CD80: variants seen among roughly 807,000 people sequenced by gnomAD.
CD80 encodes T-lymphocyte activation antigen CD80.
Under a neutral mutation model 27.1 loss-of-function variants are expected in CD80, and 13 were observed. The ratio of observed to expected loss-of-function variants is 0.48; its 90% CI spans 0.31 to 0.76. The LOEUF (loss-of-function observed/expected upper bound fraction) is 0.76, where lower values mean the gene tolerates loss of function less well. Among genes scored for constraint, CD80 ranks in the 30% least tolerant of loss-of-function variants. The pLI, the probability that CD80 is intolerant of heterozygous loss-of-function variation, is 0.04. For missense variants in CD80, 277 were observed against 347.9 expected (o/e 0.80, Z 1.62); for synonymous variants, 125 against 125.5 (o/e 1.00, Z 0.03).
At chr3:119,550,228 C>T (rs2082224166) in intron 2 of CD80, among the ~76,000 whole-genome samples, 1 of 152,192 alleles carries the variant, frequency 6.6e-6, no homozygotes, top group African/African-American at 2.4e-5. Flanking sequence ...CTTGTCTGGG[C>T]CTCCCAATAA....
chr3:119,543,329 C>G (rs956281931), intron 3 of CD80, among the ~76,000 whole-genome samples: 4 of 152,012 alleles, frequency 2.6e-5, no homozygotes, highest in African/African-American at 9.7e-5. Context: ...GGTACATAAA[C>G]AGGGCTTTGA....
chr3:119,557,846 G>A lies in CD80; in HGVS notation c.-118C>T, dbSNP rs1484908018. 1.6e-5 allele frequency: 9 copies of A among 559,730 alleles called. No homozygotes were observed. Among genetic ancestry groups the A allele is most frequent in the Non-Finnish European group, 2.9e-5 (9 of 313,996 alleles). The allele number at this position is 559,730 out of a possible 1,614,324, so 34.7% of individuals were successfully genotyped here. On this transcript the variant is annotated 5_prime_UTR_variant, in exon 2 of 7. Coordinates refer to ENST00000264246, the MANE Select transcript of CD80 (RefSeq NM_005191.4). Reference sequence around the variant, plus strand: ...TGACAATCCAATTGCTCACGTAGAAGACCCTCCAGTGATGTTTACAAAACA... The same window carrying A: ...TGACAATCCAATTGCTCACGTAGAAAACCCTCCAGTGATGTTTACAAAACA...
chr3:119,542,679 G>T (rs2082176516), intron 3 of CD80, among the ~76,000 whole-genome samples: 1 of 152,088 alleles, frequency 6.6e-6, no homozygotes, highest in Non-Finnish European at 1.5e-5. Context: ...AGCTATCTTT[G>T]TTCACTCCTG....
At chr3:119,541,127 T>A (rs1377636461) in intron 3 of CD80, among the ~76,000 whole-genome samples, 1 of 152,138 alleles carries the variant, frequency 6.6e-6, no homozygotes, top group Non-Finnish European at 1.5e-5. Context: ...TCTAAGGTGA[T>A]CTGTTTAGGG....
At chr3:119,528,230 G>A (rs2082089421) in intron 5 of CD80, among the ~76,000 whole-genome samples, 1 of 152,132 alleles carries the variant, frequency 6.6e-6, no homozygotes, top group African/African-American at 2.4e-5. Context: ...AAACATCCTT[G>A]AGCCCACCAG....
intron 2 of CD80, among the ~76,000 whole-genome samples, chr3:119,546,149 A>G (rs1033643667): frequency 6.6e-6 from 1 of 152,182 alleles, no homozygotes; most frequent in Non-Finnish European, 1.5e-5. Context: ...TTAGGAGCAT[A>G]TGAGCCTTCT....
At chr3:119,547,545 AG>A (rs1253335534) in intron 2 of CD80, among the ~76,000 whole-genome samples, 2 of 152,228 alleles carry the variant, frequency 1.3e-5, no homozygotes, top group African/African-American at 4.8e-5. Context: ...ACAGTTCTGC[AG>A]GTTCCCATCT....
intron 3 of CD80, among the ~76,000 whole-genome samples, chr3:119,541,900 C>A (rs2082171135): frequency 6.6e-6 from 1 of 152,092 alleles, no homozygotes; most frequent in Non-Finnish European, 1.5e-5. Flanking sequence ...ATAGGGCCTG[C>A]CCCCCTTGAA....
chr3:119,543,515 G>C (rs2082183187), intron 3 of CD80, among the ~76,000 whole-genome samples: 1 of 150,686 alleles, frequency 6.6e-6, no homozygotes, highest in Admixed American at 6.6e-5. Flanking sequence ...GGAGTGCAGT[G>C]GCACCATCTC....
At position 119,544,585 on chromosome 3, in the gene CD80, C is replaced by T. The variant is rs770820543; in HGVS notation, c.383G>A (p.Arg128Gln). Residue 128 changes from arginine (R) to glutamine (Q), a missense_variant, in exon 3 of 7, where the codon CGG becomes CAG. Coordinates refer to ENST00000264246, the MANE Select transcript of CD80 (RefSeq NM_005191.4). ...VLKYEKDAFK[R>Q]EHLAEVTLSV... is the part of the protein sequence containing the mutation. ...TAACGTCACTTCAGCCAGGTGTTCC[C>T]GCTTGAAAGCGTCTTTTTCATACTT... The T allele has an allele frequency of 1.8e-5, 29 of 1,613,974 alleles. No individual in the cohort carries two copies. The highest frequency in any genetic ancestry group is 6.7e-5 in the African/African-American group (5 of 74,926).
chr3:119,555,815 T>C (rs915653247), intron 2 of CD80, among the ~76,000 whole-genome samples: 1 of 152,256 alleles, frequency 6.6e-6, no homozygotes, highest in East Asian at 1.9e-4. Flanking sequence ...TTTTAGGAGA[T>C]GCTCATGTTT....
At chr3:119,527,510 C>T in intron 6 of CD80, 1 of 467,050 alleles carries the variant, frequency 2.1e-6, no homozygotes, top group East Asian at 3.3e-5. Context: ...CAAGACAATT[C>T]AAGATGGCAG....
chr3:119,544,654 G>T lies in CD80; in HGVS notation c.314C>A (p.Ala105Asp). 6.2e-7 allele frequency: 1 copy of T among 1,614,148 alleles called. No individual in the cohort carries two copies. Among genetic ancestry groups the T allele is most frequent in the Non-Finnish European group, 8.5e-7 (1 of 1,179,992 alleles). ...TGTGCCCTCGTCAGATGGGCGCAGA[G>T]CCAGGATCACAATGGAGAGGTTATT... ...ITNNLSIVIL[A>D]LRPSDEGTYE... Residue 105 changes from alanine to aspartate, a missense_variant, in exon 3 of 7, where the codon GCT (alanine) becomes GAT (aspartate). By Grantham distance (126) the Ala-to-Asp change is moderately radical. Transcript: ENST00000264246.
chr3:119,532,538 G>T (rs529523020), intron 4 of CD80, among the ~76,000 whole-genome samples: 1 of 150,670 alleles, frequency 6.6e-6, no homozygotes, highest in South Asian at 2.1e-4. Context: ...TTCTAAATTT[G>T]TATATTGGAT....
chr3:119,529,772 AT>A (rs1317999917), intron 5 of CD80, 69 bp downstream of exon 5: 2 of 1,060,368 alleles, frequency 1.9e-6, no homozygotes, highest in African/African-American at 3.1e-5. Flanking sequence ...CCTCAGAGAG[AT>A]GCCGAACCAT....
chr3:119,526,612 A>C (rs1391420434), intron 6 of CD80, among the ~76,000 whole-genome samples: 7 of 152,294 alleles, frequency 4.6e-5, no homozygotes, highest in Non-Finnish European at 1.0e-4. Context: ...ACCTCAAGCA[A>C]ATCTCTTAAC....
At chr3:119,537,451 T>G in intron 3 of CD80, 33 bp from the exon 4 acceptor site, 59 of 1,382,246 alleles carry the variant, frequency 4.3e-5, no homozygotes, top group African/African-American at 7.2e-5. Flanking sequence ...TAATTACGTA[T>G]AGTTACAAAC....
chr3:119,552,263 C>T (rs1485620016), intron 2 of CD80, among the ~76,000 whole-genome samples: 2 of 151,694 alleles, frequency 1.3e-5, no homozygotes, highest in Admixed American at 6.6e-5. Context: ...CCGAGGCAGG[C>T]GGATCAGGAG....
chr3:119,530,653 A>G (rs1025702172), intron 4 of CD80, among the ~76,000 whole-genome samples: 17 of 152,104 alleles, frequency 1.1e-4, no homozygotes, highest in Admixed American at 1.0e-3. Flanking sequence ...CTGCGGGTCC[A>G]TCCCTCCAGA....
Sources: allele counts gnomAD v4.1 joint callset (sites outside exome capture counted in the v4.1 genomes callset), GRCh38; gene constraint gnomAD v4.1.1; transcripts MANE v1.5; gene names NCBI Gene and HGNC (gene_info 2026-07-23, HGNC 2026-07-21).